Variants in MRPL16 observed in about 807,000 individuals in gnomAD.
The protein encoded by MRPL16 is mitochondrial ribosomal protein L16.
Under a neutral mutation model 22.7 loss-of-function variants are expected in MRPL16, and 17 were observed. That is an observed-to-expected ratio of 0.75 (90% CI 0.51 to 1.12). The LOEUF is 1.12. MRPL16 is among the 50% of genes most tolerant of loss of function. The pLI, the probability that MRPL16 is intolerant of heterozygous loss-of-function variation, is 0.00. For synonymous variants in MRPL16, 103 were observed against 112.8 expected, an observed-to-expected ratio of 0.91 and a Z score of 0.55; for missense variants, 316 against 328.7, an observed-to-expected ratio of 0.96 and a Z score of 0.30.
chr11:59,810,098 CG>C (rs1866158015), intron 1 of MRPL16, 178 bp from the exon 2 acceptor site: 3 of 635,656 alleles, frequency 4.7e-6, no homozygotes, highest in African/African-American at 3.8e-5. Flanking sequence ...CTCCGCCTCC[CG>C]GGTTCAAGAG....
Position 59,806,519 on chromosome 11 carries a change from A to G in MRPL16, c.584T>C (p.Leu195Pro). 3 of 1,614,206 alleles carry G rather than the reference A, an allele frequency of 1.9e-6. No homozygotes were observed. Among genetic ancestry groups the G allele is most frequent in the Non-Finnish European group, 2.5e-6 (3 of 1,180,044 alleles). The part of the protein sequence containing the change: ...FAAKAVSRGT[L>P]EKMRKDQEER... ...CTCTTGATCTTTTCGCATCTTCTCT[A>G]GAGTCCCGCGGCTCACAGCCTTTGC... The change falls in exon 4 of 4, where the codon CTA becomes CCA. Residue 195 changes from leucine to proline, a missense_variant. Leu to Pro is a moderately conservative substitution (Grantham distance 98). Transcript: ENST00000300151.
chr11:59,810,112 T>C (rs1866158098), intron 1 of MRPL16, 192 bp from the exon 2 acceptor site: 1 of 624,232 alleles, frequency 1.6e-6, no homozygotes, highest in African/African-American at 1.9e-5. Context: ...TTCAAGAGAT[T>C]CTCCTGCCTC....
chr11:59,806,977 G>T, intron 3 of MRPL16, 145 bp from the exon 4 acceptor site: 1 of 1,229,126 alleles, frequency 8.1e-7, no homozygotes. Context: ...TGGAGGAAAA[G>T]CCTAGGGTAC....
At chr11:59,807,639 G>T in intron 3 of MRPL16, 62 bp downstream of exon 3, 7 of 1,511,304 alleles carry the variant, frequency 4.6e-6, no homozygotes, top group Non-Finnish European at 6.3e-6. Flanking sequence ...ATCTCAAGGA[G>T]TATGAGATTT....
Position 59,807,846 on chromosome 11 carries a change from A to T in MRPL16, c.125T>A (p.Val42Asp). ...AAGCTTGGGTTTTTCAGGAATGGAA[A>T]CATCTAAAAGAAGCACAGACAACCA... is the stretch of plus-strand genomic sequence containing the variant. ...TLLPVPSFEDVSIPEKPKLRF... is the reference protein window; with the variant it reads ...TLLPVPSFEDDSIPEKPKLRF... Residue 42 changes from valine (V) to aspartate (D), a missense_variant, in exon 3 of 4, where the codon GTT becomes GAT. Physicochemically the swap from Val to Asp is radical, Grantham distance 152. Transcript: ENST00000300151. 1 of 1,606,464 alleles carries T rather than the reference A, an allele frequency of 6.2e-7. No homozygotes were observed. Among genetic ancestry groups the T allele is most frequent in the Non-Finnish European group, 8.5e-7 (1 of 1,177,286 alleles).
chr11:59,809,595 A>G, intron 2 of MRPL16: 1 of 424,996 alleles, frequency 2.4e-6, no homozygotes, highest in East Asian at 5.5e-5. Flanking sequence ...ACCATGGGAC[A>G]CACACCAGTG....
chr11:59,810,481 T>C (rs1350446341), intron 1 of MRPL16, 123 bp downstream of exon 1: 3 of 1,519,516 alleles, frequency 2.0e-6, no homozygotes, highest in Non-Finnish European at 2.7e-6. Context: ...TGCGATAGCG[T>C]AGTTCCTAAC....
chr11:59,810,480 G>C lies in MRPL16; in HGVS notation c.55+124C>G, dbSNP rs555958903. The stretch of plus-strand genomic sequence containing the variant: ...CGGTGGAGGTCGGCGGTGCGATAGC[G>C]TAGTTCCTAACCAGTGCTTCACCAA... On this transcript the variant is annotated intron_variant, in intron 1 of 3. Coordinates refer to ENST00000300151, the MANE Select transcript of MRPL16 (RefSeq NM_017840.4). 161 of 1,517,362 alleles carry C rather than the reference G, an allele frequency of 1.1e-4. 4 individuals are homozygous for C. The South Asian group carries it at 2.0e-3, about 19-fold the overall frequency. The allele number at this position is 1,517,362 out of a possible 1,614,324, so 94.0% of individuals were successfully genotyped here.
chr11:59,809,799 G>A lies in MRPL16; in HGVS notation c.121+56C>T. 6.1e-6 allele frequency: 9 copies of A among 1,472,658 alleles called. No individual in the cohort carries two copies. In the South Asian group the frequency reaches 8.1e-5, roughly 13 times the overall value. The allele number at this position is 1,472,658 out of a possible 1,614,324, so 91.2% of individuals were successfully genotyped here. A position where few individuals can be genotyped will look rare whatever the true frequency, so the allele number is the denominator to read the frequency against. On this transcript the variant is annotated intron_variant, in intron 2 of 3. Coordinates refer to ENST00000300151, the MANE Select transcript of MRPL16 (RefSeq NM_017840.4). Reference sequence around the variant, plus strand: ...AACATTCCTATGTCATCTCCCACCCGCTCCTGGTTTCCATCAGAGAAAAGA... The same window carrying A: ...AACATTCCTATGTCATCTCCCACCCACTCCTGGTTTCCATCAGAGAAAAGA...
rs1026367255 is a variant in MRPL16, at chr11:59,810,766, C to T, written c.-108G>A. On this transcript the variant is annotated 5_prime_UTR_variant, in exon 1 of 4. Coordinates refer to ENST00000300151, the MANE Select transcript of MRPL16 (RefSeq NM_017840.4). ...CCTAGCTGTAATCGGCTCAGGACAC[C>T]GCTCAGTGGGGCCGGAAGTTGTGTT... is the stretch of plus-strand genomic sequence containing the variant. 16 of 1,242,878 alleles carry T rather than the reference C, an allele frequency of 1.3e-5. No homozygotes were observed. The South Asian group carries it at 1.8e-4, about 14-fold the overall frequency. 77.0% of individuals were successfully genotyped at this position (1,242,878 alleles called of 1,614,324 possible).
chr11:59,807,851 T>TA lies in MRPL16; in HGVS notation c.122-3dup, dbSNP rs754410354. ...TGGGTTTTTCAGGAATGGAAACATC[T>TA]AAAAGAAGCACAGACAACCAGGATA... On this transcript the variant is annotated splice_polypyrimidine_tract_variant and splice_region_variant and intron_variant, in intron 2 of 3. Coordinates refer to ENST00000300151, the MANE Select transcript of MRPL16 (RefSeq NM_017840.4). The TA allele has an allele frequency of 1.9e-6, 3 of 1,602,620 alleles. No homozygotes were observed. The Admixed American group carries it at 5.2e-5, about 28-fold the overall frequency.
In MRPL16 at chr11:59,806,377, C is replaced by G. The variant is rs145739479; in HGVS notation, c.726G>C (p.Trp242Cys). 6.2e-7 allele frequency: 1 copy of G among 1,614,058 alleles called. No homozygotes were observed. Among genetic ancestry groups the G allele is most frequent in the African/African-American group, 1.3e-5 (1 of 74,922 alleles). Residue 242 changes from tryptophan to cysteine, a missense_variant, in exon 4 of 4, where the codon TGG becomes TGC. By Grantham distance (215) the Trp-to-Cys change is radical (BLOSUM62 -2). Transcript: ENST00000300151. ...PYDLTHKGKY[W>C]GKFYMPKRV The stretch of plus-strand genomic sequence containing the variant: ...CACGTTTGGGCATGTAGAACTTGCC[C>G]CAGTATTTCCCCTTGTGGGTCAAGT...
Position 59,810,767 on chromosome 11 carries a change from G to T in MRPL16, c.-109C>A. The stretch of plus-strand genomic sequence containing the variant: ...CTAGCTGTAATCGGCTCAGGACACC[G>T]CTCAGTGGGGCCGGAAGTTGTGTTC... On this transcript the variant is annotated 5_prime_UTR_variant, in exon 1 of 4. Coordinates refer to ENST00000300151, the MANE Select transcript of MRPL16 (RefSeq NM_017840.4). The T allele has an allele frequency of 8.3e-7, 1 of 1,204,582 alleles. No individual in the cohort carries two copies. The highest frequency in any genetic ancestry group is 1.2e-6 in the Non-Finnish European group (1 of 837,356). The allele number at this position is 1,204,582 out of a possible 1,614,324, so 74.6% of individuals were successfully genotyped here.
intron 2 of MRPL16, chr11:59,808,778 G>C (rs1866139940): frequency 6.6e-6 from 1 of 152,080 alleles, no homozygotes; most frequent in Non-Finnish European, 1.5e-5. Flanking sequence ...ATATATGCAG[G>C]GACTTTTCAT....
At chr11:59,806,975 A>C in intron 3 of MRPL16, 143 bp from the exon 4 acceptor site, 1 of 1,238,786 alleles carries the variant, frequency 8.1e-7, no homozygotes, top group Non-Finnish European at 1.1e-6. Context: ...CATGGAGGAA[A>C]AGCCTAGGGT....
Position 59,806,513 on chromosome 11 carries a change from T to C in MRPL16, c.590A>G (p.Lys197Arg), listed in dbSNP as rs745652042. 199 of 1,614,120 alleles carry C rather than the reference T, an allele frequency of 1.2e-4. No homozygotes were observed. Among genetic ancestry groups the C allele is most frequent in the Non-Finnish European group, 1.6e-4 (186 of 1,180,048 alleles). The change falls in exon 4 of 4, where the codon AAG becomes AGG. Residue 197 changes from lysine to arginine, a missense_variant. Coordinates refer to ENST00000300151, the MANE Select transcript of MRPL16 (RefSeq NM_017840.4). ...TCTTTCCTCTTGATCTTTTCGCATCTTCTCTAGAGTCCCGCGGCTCACAGC... is the reference window on the plus strand; with the variant it reads ...TCTTTCCTCTTGATCTTTTCGCATCCTCTCTAGAGTCCCGCGGCTCACAGC... The part of the protein sequence containing the change: ...AKAVSRGTLE[K>R]MRKDQEERER...
chr11:59,810,705 G>C lies in MRPL16; in HGVS notation c.-47C>G, dbSNP rs779719448. 1 of 1,611,304 alleles carries C rather than the reference G, an allele frequency of 6.2e-7. No individual in the cohort carries two copies. Among genetic ancestry groups the C allele is most frequent in the Non-Finnish European group, 8.5e-7 (1 of 1,178,052 alleles). On this transcript the variant is annotated 5_prime_UTR_variant, in exon 1 of 4. Coordinates refer to ENST00000300151, the MANE Select transcript of MRPL16 (RefSeq NM_017840.4). ...CGGAGCTCCCCCAGCGACTCCGGCT[G>C]TCTCCTGCACCCAGGTAAGCAGCGG... is the stretch of plus-strand genomic sequence containing the variant.
intron 2 of MRPL16, 115 bp from the exon 3 acceptor site, chr11:59,807,964 G>C (rs905524246): frequency 8.1e-7 from 1 of 1,236,066 alleles, no homozygotes; most frequent in Non-Finnish European, 1.1e-6. Flanking sequence ...TTCATTTTTT[G>C]GTAGAGACAG....
chr11:59,806,575 A>G lies in MRPL16; in HGVS notation c.528T>C (p.Leu176=). The change falls in exon 4 of 4, where the codon CTT becomes CTC. Residue 176 remains leucine, a synonymous_variant. Coordinates refer to ENST00000300151, the MANE Select transcript of MRPL16 (RefSeq NM_017840.4). ...AGGGCAACTTGTGGGCAACCTGGTCAAGGAAACCTTGCACTTCTTCAAATT... is the reference window on the plus strand; with the variant it reads ...AGGGCAACTTGTGGGCAACCTGGTCGAGGAAACCTTGCACTTCTTCAAATT... ...RCEFEEVQGF[L]DQVAHKLPFA... 1 of 1,614,236 alleles carries G rather than the reference A, an allele frequency of 6.2e-7. No homozygotes were observed. The highest frequency in any genetic ancestry group is 8.5e-7 in the Non-Finnish European group (1 of 1,180,040).
Sources: allele counts gnomAD v4.1 joint callset, GRCh38; gene constraint gnomAD v4.1.1; transcripts MANE v1.5; gene names NCBI Gene and HGNC (gene_info 2026-07-23, HGNC 2026-07-21).